The following P2RY8 variants were observed in gnomAD, a reference collection of about 807,000 sequenced individuals.
P2RY8 encodes S-geranylgeranyl-glutathione receptor P2RY8.
P2RY8 carries 6 observed loss-of-function variants against 10.0 expected under a neutral mutation model. The observed-to-expected ratio is 0.60, with a 90% CI of 0.33 to 1.19. P2RY8 has a LOEUF of 1.19. Among genes scored for constraint, P2RY8 ranks in the 50% most tolerant of loss-of-function variants. The pLI is 0.04. For missense variants in P2RY8, 456 were observed against 542.0 expected (o/e 0.84, Z 1.58); for synonymous variants, 276 against 252.5 (o/e 1.09, Z -0.88).
At chrX:1,504,592 C>T (rs1242063832) in intron 1 of P2RY8, among the ~76,000 whole-genome samples, 1 of 152,220 alleles carries the variant, frequency 6.6e-6, no homozygotes, top group Non-Finnish European at 1.5e-5. Flanking sequence ...TGGCTCATGC[C>T]TGTCATCCCA....
At chrX:1,509,142 T>TGTATC (rs1320479305) in intron 1 of P2RY8, among the ~76,000 whole-genome samples, 90 of 144,986 alleles carry the variant, frequency 6.2e-4, no homozygotes, top group South Asian at 2.6e-3. Flanking sequence ...TATCTATCTA[T>TGTATC]CATCTATGTA....
rs34259357 is a variant in P2RY8 at position 1,464,227 on chromosome X, G to C, written c.*1252C>G. 2.1e-5 allele frequency: 5 copies of C among 233,226 alleles called. No homozygotes were observed. The highest frequency in any genetic ancestry group is 1.2e-3 in the Middle Eastern group (1 of 808). The allele number at this position is 233,226 out of a possible 1,614,324, so 14.4% of individuals were successfully genotyped here. On this transcript the variant is annotated 3_prime_UTR_variant, in exon 2 of 2. Transcript: ENST00000381297. ...AAGAGAGCCTGGGATCCAATTCCAC[G>C]TGATGTCCCAGCACCCCTGGAGAGT...
chrX:1,529,191 A>T (rs1398613174), intron 1 of P2RY8, among the ~76,000 whole-genome samples: 5 of 152,252 alleles, frequency 3.3e-5, no homozygotes, highest in African/African-American at 1.2e-4. Context: ...TGCTTAATCT[A>T]CACATGTGTG....
intron 1 of P2RY8, among the ~76,000 whole-genome samples, chrX:1,498,142 C>T (rs2092134987): frequency 6.6e-6 from 1 of 152,046 alleles, no homozygotes; most frequent in Non-Finnish European, 1.5e-5. Context: ...CGCGGTGGCT[C>T]ACGCCTGTCA....
chrX:1,535,884 G>A (rs2092522611), intron 1 of P2RY8, among the ~76,000 whole-genome samples: 1 of 151,998 alleles, frequency 6.6e-6, no homozygotes, highest in African/African-American at 2.4e-5. Flanking sequence ...CCTTTTCTCA[G>A]CTTTTTAGGG....
chrX:1,469,212 G>A (rs1314275468), intron 1 of P2RY8, among the ~76,000 whole-genome samples: 2 of 143,994 alleles, frequency 1.4e-5, no homozygotes, highest in African/African-American at 2.6e-5. Flanking sequence ...CATCCAGGCT[G>A]GAATGCAATG....
At chrX:1,498,229 A>G (rs1344593083) in intron 1 of P2RY8, among the ~76,000 whole-genome samples, 2 of 151,330 alleles carry the variant, frequency 1.3e-5, no homozygotes, top group Middle Eastern at 3.4e-3. Flanking sequence ...ACATGCTGAA[A>G]CCCCGTCTCT....
At chrX:1,516,259 C>T (rs1277448951) in intron 1 of P2RY8, among the ~76,000 whole-genome samples, 3 of 146,770 alleles carry the variant, frequency 2.0e-5, no homozygotes, top group African/African-American at 7.5e-5. Flanking sequence ...CACGTACTCC[C>T]TCCTTCTCTC....
intron 1 of P2RY8, among the ~76,000 whole-genome samples, chrX:1,521,944 C>CTTTTTTTTTTTTTTTTTTTTTTTT (rs751056296): frequency 2.6e-5 from 1 of 39,030 alleles, no homozygotes; most frequent in African/African-American, 1.1e-4. Context: ...CTCTCGCTCT[C>CTTTTTTTTTTTTTTTTTTTTTTTT]TTTTTTTTTT....
rs1370023537 is a variant in P2RY8, at chrX:1,463,448, C to G, written c.*2031G>C. On this transcript the variant is annotated 3_prime_UTR_variant, in exon 2 of 2. Coordinates refer to ENST00000381297, the MANE Select transcript of P2RY8 (RefSeq NM_178129.5). ...GGGCTTGTGGCCGCATCACTCCAGT[C>G]TGCCTCTGTCTCCACGTGTCCTCCT... 6 of 231,660 alleles carry G rather than the reference C, an allele frequency of 2.6e-5. No homozygotes were observed. Among genetic ancestry groups the G allele is most frequent in the Non-Finnish European group, 4.3e-5 (5 of 117,480 alleles). The allele number at this position is 231,660 out of a possible 1,614,324, so 14.4% of individuals were successfully genotyped here.
chrX:1,508,674 C>T (rs770445418), intron 1 of P2RY8, among the ~76,000 whole-genome samples: 2 of 136,406 alleles, frequency 1.5e-5, no homozygotes, highest in Admixed American at 1.5e-4. Context: ...ATGTATTTAT[C>T]TATCCATCAT....
intron 1 of P2RY8, among the ~76,000 whole-genome samples, chrX:1,523,550 C>T (rs1467060766): frequency 3.9e-5 from 6 of 151,988 alleles, no homozygotes; most frequent in Non-Finnish European, 5.9e-5. Flanking sequence ...GAAGTGGGAG[C>T]GATTGCAAAT....
At chrX:1,521,853 C>T (rs73186942) in intron 1 of P2RY8, among the ~76,000 whole-genome samples, 11,820 of 150,316 alleles carry the variant, frequency 0.079, 604 homozygotes, top group Non-Finnish European at 0.11. Context: ...AAGGGTCCCG[C>T]GAAGAGTGTT....
In P2RY8 at chrX:1,467,807, G is replaced by T. The variant is rs187513401; in HGVS notation, c.-24-1225C>A. On this transcript the variant is annotated intron_variant, in intron 1 of 1. Transcript: ENST00000381297. ...TCCTCCTGCCTCAGCCTCCTGAGTAGTTGGGACTACAGGTGAGAGTACAAC... is the reference window on the plus strand; with the variant it reads ...TCCTCCTGCCTCAGCCTCCTGAGTATTTGGGACTACAGGTGAGAGTACAAC... Among the ~76,000 whole-genome samples, 9 of 151,868 alleles carry T rather than the reference G, an allele frequency of 5.9e-5. No homozygotes were observed. The East Asian group carries it at 1.8e-3, about 30-fold the overall frequency.
intron 1 of P2RY8, among the ~76,000 whole-genome samples, chrX:1,493,440 G>GAGGA (rs1556679301): frequency 2.2e-4 from 3 of 13,856 alleles, no homozygotes; most frequent in Non-Finnish European, 3.1e-4. Flanking sequence ...GGGAGGGAAG[G>GAGGA]AGGAGGAAGG....
chrX:1,486,405 A>C (rs2091987000), intron 1 of P2RY8, among the ~76,000 whole-genome samples: 1 of 151,994 alleles, frequency 6.6e-6, no homozygotes. Flanking sequence ...GAAGGCTGTG[A>C]CCGAGGCTAC....
Position 1,464,872 on chromosome X carries a change from C to G in P2RY8, c.*607G>C, listed in dbSNP as rs2091640992. On this transcript the variant is annotated 3_prime_UTR_variant, in exon 2 of 2. Transcript: ENST00000381297. ...TCCTCTGAAAGAAGAATTCCAACCA[C>G]AGCAACCACAGTGCCCCTGAGTGAA... 4.3e-6 allele frequency: 1 copy of G among 233,844 alleles called. No homozygotes were observed. The highest frequency in any genetic ancestry group is 1.8e-4 in the South Asian group (1 of 5,558). The allele number at this position is 233,844 out of a possible 1,614,324, so 14.5% of individuals were successfully genotyped here.
At chrX:1,503,940 G>C (rs2092204206) in intron 1 of P2RY8, among the ~76,000 whole-genome samples, 1 of 151,600 alleles carries the variant, frequency 6.6e-6, no homozygotes, top group South Asian at 2.1e-4. Context: ...CGCTGTTCTG[G>C]AGGAACTGAA....
At chrX:1,478,273 G>GTGTGTGTGTGTGTGTGTGTGTGCGCA (rs539376483) in intron 1 of P2RY8, among the ~76,000 whole-genome samples, 3 of 133,568 alleles carry the variant, frequency 2.2e-5, no homozygotes, top group Non-Finnish European at 4.7e-5. Flanking sequence ...GTGTGTGTGT[G>GTGTGTGTGTGTGTGTGTGTGTGCGCA]CCCAGCAGGG....
Sources: gnomAD v4.1 joint callset for allele counts (sites outside exome capture counted in the v4.1 genomes callset) on GRCh38, gnomAD v4.1.1 for gene constraint, MANE v1.5 for transcripts, NCBI Gene and HGNC (gene_info 2026-07-23, HGNC 2026-07-21) for gene names.